Variants in NOVA2 observed in about 807,000 individuals in gnomAD.
NOVA2 encodes NOVA alternative splicing regulator 2.
Under a neutral mutation model 22.5 loss-of-function variants are expected in NOVA2, and 9 were observed. The ratio of observed to expected loss-of-function variants is 0.40; its 90% CI spans 0.24 to 0.70. NOVA2 has a LOEUF of 0.70. Among genes scored for constraint, NOVA2 ranks in the 30% least tolerant of loss-of-function variants. The pLI, the probability that NOVA2 is intolerant of heterozygous loss-of-function variation, is 0.38. For synonymous variants in NOVA2, 318 were observed against 335.2 expected (o/e 0.95, Z 0.56); for missense variants, 383 against 682.8 (o/e 0.56, Z 4.89).
rs1195264113 is a variant in NOVA2, at chr19:45,936,019, A to T, written c.*3844T>A. On this transcript the variant is annotated 3_prime_UTR_variant, in exon 4 of 4. Transcript: ENST00000263257. Reference sequence around the variant, plus strand: ...GCAAAATCATTGTCTTCTGATCACCACCCCTACTAATTATTGCAGTGAAGC... The same window carrying T: ...GCAAAATCATTGTCTTCTGATCACCTCCCCTACTAATTATTGCAGTGAAGC... 2.0e-5 allele frequency: 3 copies of T among 152,130 alleles called. No individual in the cohort carries two copies. The highest frequency in any genetic ancestry group is 7.2e-5 in the African/African-American group (3 of 41,398). 9.4% of individuals were successfully genotyped at this position (152,130 alleles called of 1,614,324 possible). A position where few individuals can be genotyped will look rare whatever the true frequency, so the allele number is the denominator to read the frequency against.
At chr19:45,941,049 G>T (rs1035485149) in intron 3 of NOVA2, 104 bp from the exon 4 acceptor site, 4 of 1,084,748 alleles carry the variant, frequency 3.7e-6, no homozygotes, top group East Asian at 2.7e-5. Context: ...CAGCACTTTG[G>T]GGGGCTGAGG....
chr19:45,969,509 G>GAAAAAAA, intron 1 of NOVA2, among the ~76,000 whole-genome samples: 1 of 40,546 alleles, frequency 2.5e-5, no homozygotes, highest in Non-Finnish European at 3.8e-5. Flanking sequence ...CCCTGTCTCA[G>GAAAAAAA]AAAAAAAAAA....
rs946873947 is a variant in NOVA2, at chr19:45,973,733, G to T, written c.-382C>A. On this transcript the variant is annotated 5_prime_UTR_variant, in exon 1 of 4. Coordinates refer to ENST00000263257, the MANE Select transcript of NOVA2 (RefSeq NM_002516.4). Reference sequence around the variant, plus strand: ...GAGCAGGATGGCAGGGCCGAGGGGGGTCTCCGATAGGGCCGGGAAAGAACT... The same window carrying T: ...GAGCAGGATGGCAGGGCCGAGGGGGTTCTCCGATAGGGCCGGGAAAGAACT... Among the ~76,000 whole-genome samples the T allele has an allele frequency of 2.0e-5, 3 of 150,754 alleles. No homozygotes were observed. Among genetic ancestry groups the T allele is most frequent in the African/African-American group, 7.3e-5 (3 of 41,020 alleles).
At position 45,973,412 on chromosome 19, in the gene NOVA2, CT is replaced by C; in HGVS notation, c.-62del. On this transcript the variant is annotated 5_prime_UTR_variant, in exon 1 of 4. Coordinates refer to ENST00000263257, the MANE Select transcript of NOVA2 (RefSeq NM_002516.4). ...GCGGCTGCGGCGGCGGCGGCGGCGG[CT>C]GCTGTGGCGGCGGCGACGGCTGCTG... 1 of 371,406 alleles carries C rather than the reference CT, an allele frequency of 2.7e-6. No individual in the cohort carries two copies. Among genetic ancestry groups the C allele is most frequent in the Non-Finnish European group, 3.9e-6 (1 of 255,236 alleles). The allele number at this position is 371,406 out of a possible 1,614,324, so 23.0% of individuals were successfully genotyped here.
At chr19:45,958,473 A>T (rs896368389) in intron 2 of NOVA2, among the ~76,000 whole-genome samples, 2 of 146,324 alleles carry the variant, frequency 1.4e-5, no homozygotes, top group African/African-American at 2.6e-5. Context: ...CGTGTGTGTG[A>T]GTGGGATGTG....
chr19:45,960,984 G>A (rs1231778176), intron 2 of NOVA2, 26 bp downstream of exon 2: 9 of 1,563,240 alleles, frequency 5.8e-6, no homozygotes, highest in Non-Finnish European at 8.7e-7. Context: ...GGGGGGCCTA[G>A]GGCAGAGACC....
intron 3 of NOVA2, among the ~76,000 whole-genome samples, chr19:45,952,959 G>A (rs1052767252): frequency 6.6e-6 from 1 of 152,208 alleles, no homozygotes; most frequent in Non-Finnish European, 1.5e-5. Flanking sequence ...AGACGTTAAC[G>A]AGCCCTCGCA....
At chr19:45,945,663 C>G (rs1967825462) in intron 3 of NOVA2, among the ~76,000 whole-genome samples, 1 of 151,902 alleles carries the variant, frequency 6.6e-6, no homozygotes, top group Non-Finnish European at 1.5e-5. Flanking sequence ...ATAAAGCTGT[C>G]AAAAAGTCTT....
At chr19:45,960,649 ATGGC>A (rs1968081010) in intron 2 of NOVA2, among the ~76,000 whole-genome samples, 1 of 151,916 alleles carries the variant, frequency 6.6e-6, no homozygotes, top group African/African-American at 2.4e-5. Context: ...TGTGTGGAAC[ATGGC>A]TGGCTGGCCC....
intron 3 of NOVA2, among the ~76,000 whole-genome samples, chr19:45,945,835 A>AT (rs1303412965): frequency 2.0e-5 from 3 of 147,718 alleles, no homozygotes; most frequent in African/African-American, 5.0e-5. Flanking sequence ...TATTATTATT[A>AT]TTATTTTTTT....
At chr19:45,961,668 C>T (rs1968098419) in intron 1 of NOVA2, among the ~76,000 whole-genome samples, 1 of 152,124 alleles carries the variant, frequency 6.6e-6, no homozygotes, top group South Asian at 2.1e-4. Context: ...AAGTACTTTC[C>T]AAATACCAGT....
chr19:45,941,046 T>A, intron 3 of NOVA2, 101 bp from the exon 4 acceptor site: 2 of 1,139,484 alleles, frequency 1.8e-6, no homozygotes, highest in Non-Finnish European at 2.4e-6. Flanking sequence ...TCCCAGCACT[T>A]TGGGGGGCTG....
At chr19:45,960,843 C>A (rs1022627627) in intron 2 of NOVA2, among the ~76,000 whole-genome samples, 167 bp downstream of exon 2, 2 of 152,168 alleles carry the variant, frequency 1.3e-5, no homozygotes, top group African/African-American at 2.4e-5. Flanking sequence ...CTCGGCCAGG[C>A]CCCTCGGGCT....
At chr19:45,959,630 T>G (rs931806131) in intron 2 of NOVA2, among the ~76,000 whole-genome samples, 1 of 151,708 alleles carries the variant, frequency 6.6e-6, no homozygotes, top group Non-Finnish European at 1.5e-5. Flanking sequence ...GTTCACTCGA[T>G]TTTTCTCTAA....
intron 1 of NOVA2, among the ~76,000 whole-genome samples, chr19:45,966,560 G>A (rs1037260675): frequency 1.3e-5 from 2 of 151,884 alleles, no homozygotes; most frequent in African/African-American, 2.4e-5. Flanking sequence ...GAGCCACCGC[G>A]CCTGGCCTAA....
intron 3 of NOVA2, among the ~76,000 whole-genome samples, chr19:45,941,793 C>T (rs929827948): frequency 6.6e-6 from 1 of 152,000 alleles, no homozygotes; most frequent in Non-Finnish European, 1.5e-5. Context: ...AATGAATAGC[C>T]AGTATTTGAG....
intron 3 of NOVA2, among the ~76,000 whole-genome samples, chr19:45,941,868 G>A (rs998398313): frequency 7.2e-5 from 11 of 152,092 alleles, no homozygotes; most frequent in Non-Finnish European, 1.0e-4. Flanking sequence ...CTTCCTCTGC[G>A]TCCAGCATCT....
At position 45,939,938 on chromosome 19, in the gene NOVA2, G is replaced by T; in HGVS notation, c.1404C>A (p.Ala468=). ...CCCGCTGACTGATGAGGTATTGAGC[G>T]GCTTGCGTGGCCGCGGGGCTGCCCG... ...TITGSPAATQ[A]AQYLISQRVT... The change falls in exon 4 of 4, where the codon GCC becomes GCA. Residue 468 remains alanine, a synonymous_variant. Transcript: ENST00000263257. 1 of 1,614,126 alleles carries T rather than the reference G, an allele frequency of 6.2e-7. No individual in the cohort carries two copies. Among genetic ancestry groups the T allele is most frequent in the Non-Finnish European group, 8.5e-7 (1 of 1,179,978 alleles).
intron 3 of NOVA2, among the ~76,000 whole-genome samples, chr19:45,948,611 A>G (rs1967877169): frequency 6.6e-6 from 1 of 151,942 alleles, no homozygotes; most frequent in Non-Finnish European, 1.5e-5. Flanking sequence ...AAAAAAAAAA[A>G]AAAAAGAAAA....
Sources: gnomAD v4.1 joint callset for allele counts (sites outside exome capture counted in the v4.1 genomes callset) on GRCh38, gnomAD v4.1.1 for gene constraint, MANE v1.5 for transcripts, NCBI Gene and HGNC (gene_info 2026-07-23, HGNC 2026-07-21) for gene names.